The following PCDH11X variants were observed in gnomAD, a reference collection of about 807,000 sequenced individuals.
The protein encoded by PCDH11X is protocadherin-11 X-linked.
In PCDH11X, 18 loss-of-function variants were observed where a neutral mutation model predicts 53.3. That is an observed-to-expected ratio of 0.34 (90% CI 0.23 to 0.50). The LOEUF is 0.50. PCDH11X is among the 20% of genes least tolerant of loss of function. The pLI, the probability that PCDH11X is intolerant of heterozygous loss-of-function variation, is 0.98. For synonymous variants in PCDH11X, 279 were observed against 393.3 expected (o/e 0.71, Z 3.44); for missense variants, 570 against 1,032.4 (o/e 0.55, Z 6.14).
chrX:92,041,570 A>G (rs961774720), intron 6 of PCDH11X, among the ~76,000 whole-genome samples: 2 of 111,780 alleles, frequency 1.8e-5, no homozygotes, highest in Non-Finnish European at 3.8e-5. Context: ...AAAGAAGTAA[A>G]TAATTCTGAG....
intron 6 of PCDH11X, among the ~76,000 whole-genome samples, chrX:91,981,449 A>T (rs950928060): frequency 1.0e-4 from 11 of 108,532 alleles, no homozygotes; most frequent in Non-Finnish European, 1.9e-4. Context: ...GTATCTGATT[A>T]AAAAAAAATG....
chrX:92,512,234 A>G (rs2074173941), intron 10 of PCDH11X, among the ~76,000 whole-genome samples: 1 of 111,186 alleles, frequency 9.0e-6, no homozygotes, highest in South Asian at 3.8e-4. Context: ...TACCTCTCAG[A>G]AAGCAAAATA....
At chrX:92,407,781 A>G (rs187866811) in intron 9 of PCDH11X, among the ~76,000 whole-genome samples, 4,421 of 111,371 alleles carry the variant, frequency 0.04, 148 homozygotes, top group African/African-American at 0.11. Context: ...CCTGACAAAA[A>G]GGGTAAACTA....
At chrX:92,265,448 T>C (rs1355005936) in intron 8 of PCDH11X, among the ~76,000 whole-genome samples, 2 of 110,840 alleles carry the variant, frequency 1.8e-5, no homozygotes, top group African/African-American at 3.3e-5. Flanking sequence ...GAGTTAAAAA[T>C]GGGCAACTGT....
intron 1 of PCDH11X, among the ~76,000 whole-genome samples, chrX:91,787,646 A>G (rs1602806038): frequency 9.0e-6 from 1 of 111,379 alleles, no homozygotes; most frequent in Non-Finnish European, 1.9e-5. Context: ...GTAGACGTCT[A>G]GGACATTCTT....
At chrX:92,111,892 G>A (rs1458954175) in intron 6 of PCDH11X, among the ~76,000 whole-genome samples, 4 of 109,854 alleles carry the variant, frequency 3.6e-5, no homozygotes, top group Non-Finnish European at 7.6e-5. Context: ...GAGTAGCTGG[G>A]ACTACAGGCG....
At chrX:92,564,342 G>A (rs1921202538) in intron 10 of PCDH11X, among the ~76,000 whole-genome samples, 1 of 103,704 alleles carries the variant, frequency 9.6e-6, no homozygotes, top group Non-Finnish European at 2.0e-5. Context: ...AAAAAATGGA[G>A]GAATCACTTC....
chrX:91,876,948 A>T lies in PCDH11X; in HGVS notation c.708A>T (p.Gln236His). The T allele has an allele frequency of 8.3e-7, 1 of 1,211,358 alleles. No individual in the cohort carries two copies. The highest frequency in any genetic ancestry group is 1.1e-6 in the Non-Finnish European group (1 of 895,382). Residue 236 changes from glutamine to histidine, a missense_variant, in exon 6 of 11, where the codon CAA (glutamine) becomes CAT (histidine). Gln to His is a conservative substitution (Grantham distance 24). Transcript: ENST00000682573. ...FPQRSSTAIL[Q>H]VSVTDTNDNH... ...AAAGATCCAGTACTGCTATTTTGCA[A>T]GTGAGTGTTACTGATACAAATGACA...
At chrX:91,909,585 C>T in intron 6 of PCDH11X, among the ~76,000 whole-genome samples, 1 of 108,546 alleles carries the variant, frequency 9.2e-6, no homozygotes, top group Non-Finnish European at 1.9e-5. Flanking sequence ...TTGCTGACTT[C>T]AGGCTAAAAA....
At chrX:91,846,279 G>A in intron 5 of PCDH11X, among the ~76,000 whole-genome samples, 1 of 110,965 alleles carries the variant, frequency 9.0e-6, no homozygotes. Context: ...AATTAGATTA[G>A]ATACAGCTAT....
intron 6 of PCDH11X, among the ~76,000 whole-genome samples, chrX:92,175,388 C>T (rs2065889395): frequency 1.8e-5 from 2 of 111,355 alleles, no homozygotes; most frequent in African/African-American, 3.3e-5. Context: ...TAAAGTTTAA[C>T]TTAACAGAAA....
At chrX:92,591,880 T>A (rs1274620573) in intron 10 of PCDH11X, among the ~76,000 whole-genome samples, 2 of 110,845 alleles carry the variant, frequency 1.8e-5, no homozygotes, top group Non-Finnish European at 3.8e-5. Context: ...ATGGGGATCA[T>A]GGGGATTATG....
intron 1 of PCDH11X, among the ~76,000 whole-genome samples, chrX:91,784,530 A>G (rs2147509151): frequency 8.9e-6 from 1 of 111,822 alleles, no homozygotes; most frequent in South Asian, 3.8e-4. Flanking sequence ...CCACTCCTTC[A>G]GCCACTTTCA....
intron 8 of PCDH11X, among the ~76,000 whole-genome samples, chrX:92,375,902 G>T (rs1240605088): frequency 8.9e-6 from 1 of 112,115 alleles, no homozygotes; most frequent in African/African-American, 3.2e-5. Flanking sequence ...GATTATAGGC[G>T]TGAGCCACCG....
intron 8 of PCDH11X, among the ~76,000 whole-genome samples, chrX:92,335,561 G>T (rs1242277598): frequency 9.1e-6 from 1 of 110,006 alleles, no homozygotes; most frequent in East Asian, 2.9e-4. Context: ...GCAACCAAAT[G>T]ATAACAAAAG....
rs1313377179 is a variant in PCDH11X, at chrX:92,621,333, A to G, written c.*2393A>G. 9.1e-6 allele frequency: 1 copy of G among 109,512 alleles called. No individual in the cohort carries two copies. The highest frequency in any genetic ancestry group is 1.9e-5 in the Non-Finnish European group (1 of 52,639). The allele number at this position is 109,512 out of a possible 1,213,427, so 9.0% of individuals were successfully genotyped here. On this transcript the variant is annotated 3_prime_UTR_variant, in exon 11 of 11. Transcript: ENST00000682573. ...ATTGAGTTACTAGGGAGGTTCTTAA[A>G]TCCTCATATCTGGAAACTTGTGACG... is the stretch of plus-strand genomic sequence containing the variant.
chrX:92,156,058 A>G (rs1385623313), intron 6 of PCDH11X, among the ~76,000 whole-genome samples: 8 of 110,205 alleles, frequency 7.3e-5, no homozygotes, highest in Admixed American at 6.8e-4. Context: ...AGAACACACT[A>G]TGGTTTGTCA....
chrX:92,355,846 G>T (rs112916572), intron 8 of PCDH11X, among the ~76,000 whole-genome samples: 9,923 of 108,889 alleles, frequency 0.091, 386 homozygotes, highest in Middle Eastern at 0.17. Flanking sequence ...TGCAATCAGA[G>T]AACCGTGCTA....
chrX:91,883,105 T>G (rs1939993326), intron 6 of PCDH11X: 1 of 1,013,143 alleles, frequency 9.9e-7, no homozygotes, highest in East Asian at 4.2e-5. Flanking sequence ...GTGAACCTTG[T>G]GCTTTCTTTA....
Sources: allele counts gnomAD v4.1 joint callset (sites outside exome capture counted in the v4.1 genomes callset), GRCh38; gene constraint gnomAD v4.1.1; transcripts MANE v1.5; gene names NCBI Gene and HGNC (gene_info 2026-07-23, HGNC 2026-07-21).